Variants in PCDHGB7 observed in about 807,000 individuals in gnomAD.
PCDHGB7 encodes protocadherin gamma subfamily B, 7.
In PCDHGB7, 37 loss-of-function variants were observed where a neutral mutation model predicts 61.4. The ratio of observed to expected loss-of-function variants is 0.60; its 90% CI spans 0.46 to 0.79. The LOEUF is 0.79. Ranked by LOEUF, PCDHGB7 falls within the 30% of genes least tolerant of loss-of-function variation. The pLI, the probability that PCDHGB7 is intolerant of heterozygous loss-of-function variation, is 0.00. For missense variants in PCDHGB7, 1,166 were observed against 1,202.5 expected, an observed-to-expected ratio of 0.97 and a Z score of 0.45; for synonymous variants, 464 against 503.5, an observed-to-expected ratio of 0.92 and a Z score of 1.05.
chr5:141,489,794 T>TA lies in PCDHGB7; in HGVS notation c.2416-5009dup. The TA allele has an allele frequency of 1.2e-6, 2 of 1,614,120 alleles. No homozygotes were observed. The highest frequency in any genetic ancestry group is 2.2e-5 in the South Asian group (2 of 91,076). The stretch of plus-strand genomic sequence containing the variant: ...CACTTCTCTCTGAATGTGAAGACCC[T>TA]AAAAGATGGGAAGCCATTCCCAGAG... On this transcript the variant is annotated intron_variant, in intron 1 of 3. Transcript: ENST00000398594. This position sits in a 1 kb window ranked among gnomAD's most constrained non-coding sequence, Gnocchi z 4.5.
intron 1 of PCDHGB7, chr5:141,421,930 G>T (rs780569992): frequency 3.1e-6 from 5 of 1,613,480 alleles, no homozygotes; most frequent in Non-Finnish European, 4.2e-6. Context: ...GGTGGTCCTC[G>T]ATGTAAATGA....
At chr5:141,495,164 C>T (rs1326419591) in intron 2 of PCDHGB7, among the ~76,000 whole-genome samples, 4 of 152,198 alleles carry the variant, frequency 2.6e-5, no homozygotes, top group Admixed American at 1.3e-4. Context: ...AAGCTGGTCT[C>T]TGGGTGAAAG....
intron 3 of PCDHGB7, among the ~76,000 whole-genome samples, chr5:141,510,244 G>A (rs549784078): frequency 6.6e-6 from 1 of 151,116 alleles, no homozygotes; most frequent in African/African-American, 2.4e-5. Flanking sequence ...CTGCACTCCA[G>A]GCTGGGCGAC....
In PCDHGB7 at chr5:141,509,341, G is replaced by C. The variant is rs552337350; in HGVS notation, c.2564-1606G>C. Among the ~76,000 whole-genome samples, 4 of 152,290 alleles carry C rather than the reference G, an allele frequency of 2.6e-5. No homozygotes were observed. The East Asian group carries it at 7.7e-4, about 29-fold the overall frequency. On this transcript the variant is annotated intron_variant, in intron 3 of 3. Transcript: ENST00000398594. ...GAAGCTCTACTGCCAGCTGGGCCTG[G>C]GCTGGCCTGGGCATCCCTGAGGTTT...
chr5:141,419,886 G>C lies in PCDHGB7; in HGVS notation c.2027G>C (p.Ser676Thr), dbSNP rs1195529127. The change falls in exon 1 of 4, where the codon AGC becomes ACC. Residue 676 changes from serine to threonine, a missense_variant. By Grantham distance (58) the Ser-to-Thr change is moderately conservative. Coordinates refer to ENST00000398594, the MANE Select transcript of PCDHGB7 (RefSeq NM_018927.4). ...TTGCAAGAGGTACTGCCGGATTTCAGCGACCATCCCACACCCTCTGACTCC... is the reference window on the plus strand; with the variant it reads ...TTGCAAGAGGTACTGCCGGATTTCACCGACCATCCCACACCCTCTGACTCC... ...DSLQEVLPDF[S>T]DHPTPSDSQA... 1 of 1,614,076 alleles carries C rather than the reference G, an allele frequency of 6.2e-7. No homozygotes were observed. Among genetic ancestry groups the C allele is most frequent in the Non-Finnish European group, 8.5e-7 (1 of 1,179,888 alleles).
Position 141,490,330 on chromosome 5 carries a change from C to T in PCDHGB7, c.2416-4477C>T, listed in dbSNP as rs2099698666. ...GGCCAACCCTGTCCTAGAGAGCACA[C>T]CAGTGGGCACAGTAGTGGGGTTGTT... is the stretch of plus-strand genomic sequence containing the variant. On this transcript the variant is annotated intron_variant, in intron 1 of 3. Transcript: ENST00000398594. The surrounding 1 kb of genome is among the most constrained non-coding windows in gnomAD (Gnocchi z 5.4). 6.2e-7 allele frequency: 1 copy of T among 1,614,080 alleles called. No individual in the cohort carries two copies. Among genetic ancestry groups the T allele is most frequent in the Non-Finnish European group, 8.5e-7 (1 of 1,180,042 alleles).
rs570982273 is a variant in PCDHGB7, at chr5:141,476,764, G to T, written c.2416-18043G>T. On this transcript the variant is annotated intron_variant, in intron 1 of 3. Coordinates refer to ENST00000398594, the MANE Select transcript of PCDHGB7 (RefSeq NM_018927.4). This position sits in a 1 kb window ranked among gnomAD's most constrained non-coding sequence, Gnocchi z 7.6. ...CTAGTCTCCAGTTAGTGCTGACGGC[G>T]TTGGACGGAGGGACCCCAGCTCTCT... 1.2e-5 allele frequency: 19 copies of T among 1,613,794 alleles called. No individual in the cohort carries two copies. In the East Asian group the frequency reaches 3.8e-4, roughly 32 times the overall value.
At chr5:141,470,173 A>G (rs527296791) in intron 1 of PCDHGB7, among the ~76,000 whole-genome samples, 1 of 152,342 alleles carries the variant, frequency 6.6e-6, no homozygotes, top group South Asian at 2.1e-4. Context: ...AAGTATGCAA[A>G]ATATTCAAGT....
chr5:141,433,571 C>T lies in PCDHGB7; in HGVS notation c.2415+13297C>T, dbSNP rs2097625242. ...TCTTTTCTGGCTGGGCGCGGTGGCT[C>T]ACGCCTGTAATCCCAGTACTTTGGG... On this transcript the variant is annotated intron_variant, in intron 1 of 3. Coordinates refer to ENST00000398594, the MANE Select transcript of PCDHGB7 (RefSeq NM_018927.4). 3.9e-5 allele frequency among the ~76,000 whole-genome samples: 6 copies of T among 152,228 alleles called. No homozygotes were observed. The South Asian group carries it at 1.2e-3, about 32-fold the overall frequency.
At chr5:141,504,500 GAGTGGATCT>G (rs2099838791) in intron 2 of PCDHGB7, among the ~76,000 whole-genome samples, 1 of 152,072 alleles carries the variant, frequency 6.6e-6, no homozygotes, top group Non-Finnish European at 1.5e-5. Context: ...TGCCCAGTCT[GAGTGGATCT>G]CCTCTGATAT....
chr5:141,422,390 C>T, intron 1 of PCDHGB7: 1 of 1,591,016 alleles, frequency 6.3e-7, no homozygotes, highest in Non-Finnish European at 8.5e-7. Flanking sequence ...TGTTTTATTC[C>T]TAACCACCTG....
Position 141,419,465 on chromosome 5 carries a change from G to C in PCDHGB7, c.1606G>C (p.Asp536His), listed in dbSNP as rs568864628. The change falls in exon 1 of 4, where the codon GAC (aspartate) becomes CAC (histidine). Residue 536 changes from aspartate to histidine, a missense_variant. Asp to His is a moderately conservative substitution (Grantham distance 81, BLOSUM62 -1). Transcript: ENST00000398594. ...RTFELTLQAR[D>H]QGSPALSANV... Reference sequence around the variant, plus strand: ...CTTCGAGCTCACGCTGCAGGCCCGCGACCAGGGCTCGCCCGCGCTCAGCGC... The same window carrying C: ...CTTCGAGCTCACGCTGCAGGCCCGCCACCAGGGCTCGCCCGCGCTCAGCGC... 4.8e-5 allele frequency: 77 copies of C among 1,612,426 alleles called. No individual in the cohort carries two copies. Among genetic ancestry groups the C allele is most frequent in the Non-Finnish European group, 6.4e-5 (76 of 1,179,556 alleles).
intron 1 of PCDHGB7, among the ~76,000 whole-genome samples, chr5:141,455,594 G>A (rs1263100982): frequency 6.6e-6 from 1 of 152,112 alleles, no homozygotes; most frequent in Non-Finnish European, 1.5e-5. Context: ...ATATGCAAAC[G>A]TAGGGCGCCA....
chr5:141,492,257 A>G (rs955890030), intron 1 of PCDHGB7, among the ~76,000 whole-genome samples: 1 of 152,126 alleles, frequency 6.6e-6, no homozygotes, highest in Non-Finnish European at 1.5e-5. Flanking sequence ...GGCCCACACA[A>G]GTTGCACGGG....
chr5:141,490,597 C>T lies in PCDHGB7; in HGVS notation c.2416-4210C>T, dbSNP rs781077720. Reference sequence around the variant, plus strand: ...TTCAGATGTCAATGACAATGCACCCCGCTTCAACCAGCAGCTTTACACTGC... The same window carrying T: ...TTCAGATGTCAATGACAATGCACCCTGCTTCAACCAGCAGCTTTACACTGC... On this transcript the variant is annotated intron_variant, in intron 1 of 3. Coordinates refer to ENST00000398594, the MANE Select transcript of PCDHGB7 (RefSeq NM_018927.4). The surrounding 1 kb of genome is among the most constrained non-coding windows in gnomAD (Gnocchi z 5.4). The T allele has an allele frequency of 1.2e-5, 20 of 1,614,182 alleles. No homozygotes were observed. The highest frequency in any genetic ancestry group is 3.3e-5 in the Admixed American group (2 of 60,026).
At position 141,418,522 on chromosome 5, in the gene PCDHGB7, C is replaced by T. The variant is rs751177053; in HGVS notation, c.663C>T (p.Pro221=). The T allele has an allele frequency of 1.5e-5, 24 of 1,613,884 alleles. No individual in the cohort carries two copies. The African/African-American group carries it at 2.7e-4, about 18-fold the overall frequency. ...CCGCCTTAGATGGTGGGGACCCTCC[C>T]CGAAGCGGTACTGCTCAGATAAGAA... is the stretch of plus-strand genomic sequence containing the variant. ...VLTALDGGDP[P]RSGTAQIRIL... Residue 221 remains proline (P), a synonymous_variant, in exon 1 of 4, where the codon CCC becomes CCT. Transcript: ENST00000398594.
At chr5:141,481,618 G>C (rs1339565594) in intron 1 of PCDHGB7, among the ~76,000 whole-genome samples, 1 of 152,142 alleles carries the variant, frequency 6.6e-6, no homozygotes, top group African/African-American at 2.4e-5. Context: ...AGGAGTTCAA[G>C]ACCGGCCTGG....
intron 1 of PCDHGB7, chr5:141,422,738 C>G: frequency 6.2e-7 from 1 of 1,609,538 alleles, no homozygotes; most frequent in Non-Finnish European, 8.5e-7. Flanking sequence ...CCTCTGTCCT[C>G]CTATGTCTCT....
intron 1 of PCDHGB7, chr5:141,478,600 C>T (rs762531135): frequency 6.4e-7 from 1 of 1,565,134 alleles, no homozygotes. Context: ...ATTCCTACAT[C>T]ATATTGAGGA....
Sources: allele counts gnomAD v4.1 joint callset (sites outside exome capture counted in the v4.1 genomes callset), GRCh38; gene constraint gnomAD v4.1.1; non-coding constraint Gnocchi (gnomAD v3.1); transcripts MANE v1.5; gene names NCBI Gene and HGNC (gene_info 2026-07-23, HGNC 2026-07-21).